Variants in SLAMF8 observed in about 807,000 individuals in gnomAD.
The protein encoded by SLAMF8 is B lymphocyte activator macrophage expressed.
In SLAMF8, 23 loss-of-function variants were observed where a neutral mutation model predicts 29.0. The observed-to-expected ratio is 0.79, with a 90% confidence interval of 0.57 to 1.13. The LOEUF is 1.13. Ranked by LOEUF, SLAMF8 falls within the 50% of genes most tolerant of loss-of-function variation. SLAMF8 has a pLI of 0.00. For synonymous variants in SLAMF8, 139 were observed against 145.6 expected, an observed-to-expected ratio of 0.96 and a Z score of 0.32; for missense variants, 381 against 353.1, an observed-to-expected ratio of 1.08 and a Z score of -0.63.
At chr1:159,832,040 T>C (rs1382646461) in intron 2 of SLAMF8, among the ~76,000 whole-genome samples, 3 of 152,094 alleles carry the variant, frequency 2.0e-5, no homozygotes, top group Admixed American at 6.5e-5. Context: ...ACCAGAATGC[T>C]CTCCCACTGG....
In SLAMF8 at chr1:159,830,043, A is replaced by G. The variant is rs1005377766; in HGVS notation, c.218A>G (p.His73Arg). Residue 73 changes from histidine to arginine, a missense_variant, in exon 2 of 5, where the codon CAT becomes CGT. Transcript: ENST00000289707. ...CGAGGCTCCCTGGAGACTCTGTACC[A>G]TTCCCGCTTCCTGGGCCGAGCCCAG... ...FFRGSLETLY[H>R]SRFLGRAQLH... is the part of the protein sequence containing the mutation. 52 of 1,614,062 alleles carry G rather than the reference A, an allele frequency of 3.2e-5. No homozygotes were observed. Among genetic ancestry groups the G allele is most frequent in the Non-Finnish European group, 4.4e-5 (52 of 1,180,044 alleles).
rs994846560 is a variant in SLAMF8 at position 159,836,464 on chromosome 1, G to A, written c.*1204G>A. On this transcript the variant is annotated 3_prime_UTR_variant, in exon 5 of 5. Coordinates refer to ENST00000289707, the MANE Select transcript of SLAMF8 (RefSeq NM_020125.3). ...CACTTAAGGAGCTAAACTTACCTTC[G>A]GGGATTATTAGCTGATAAGGTTCAC... 34 of 985,276 alleles carry A rather than the reference G, an allele frequency of 3.5e-5. No individual in the cohort carries two copies. In the African/African-American group the frequency reaches 4.2e-4, roughly 12 times the overall value. The allele number at this position is 985,276 out of a possible 1,614,324, so 61.0% of individuals were successfully genotyped here.
Position 159,837,063 on chromosome 1 carries a change from C to T in SLAMF8, c.*1803C>T, listed in dbSNP as rs2101807803. The stretch of plus-strand genomic sequence containing the variant: ...GGGAAAAAATACACAGCACTCCCCA[C>T]CTTTCTTTCGTTCATCTCCAGGGCC... On this transcript the variant is annotated 3_prime_UTR_variant, in exon 5 of 5. Coordinates refer to ENST00000289707, the MANE Select transcript of SLAMF8 (RefSeq NM_020125.3). The T allele has an allele frequency of 2.0e-6, 2 of 985,424 alleles. No homozygotes were observed. The highest frequency in any genetic ancestry group is 2.4e-6 in the Non-Finnish European group (2 of 829,928). 61.0% of individuals were successfully genotyped at this position (985,424 alleles called of 1,614,324 possible). A position where few individuals can be genotyped will look rare whatever the true frequency, so the allele number is the denominator to read the frequency against.
chr1:159,829,098 T>G (rs1647277453), intron 1 of SLAMF8, among the ~76,000 whole-genome samples: 1 of 152,176 alleles, frequency 6.6e-6, no homozygotes, highest in Non-Finnish European at 1.5e-5. Context: ...CTCCCACTTC[T>G]TCCCATCCCG....
In SLAMF8 at chr1:159,833,034, C is replaced by A. The variant is rs1411441777; in HGVS notation, c.526C>A (p.Pro176Thr). The change falls in exon 3 of 5, where the codon CCA becomes ACA. Residue 176 changes from proline (P) to threonine (T), a missense_variant. By Grantham distance (38) the Pro-to-Thr change is conservative (BLOSUM62 -1). Transcript: ENST00000289707. ...RETTMDFGMEPHSLFTDGQVL... is the reference protein window; with the variant it reads ...RETTMDFGMETHSLFTDGQVL... Reference sequence around the variant, plus strand: ...GACAACCATGGACTTTGGTATGGAACCACACAGCCTCTTCACAGACGGACA... The same window carrying A: ...GACAACCATGGACTTTGGTATGGAAACACACAGCCTCTTCACAGACGGACA... 6.2e-7 allele frequency: 1 copy of A among 1,614,102 alleles called. No individual in the cohort carries two copies. The highest frequency in any genetic ancestry group is 2.2e-5 in the East Asian group (1 of 44,896).
intron 1 of SLAMF8, 93 bp from the exon 2 acceptor site, chr1:159,829,773 G>A (rs1647331246): frequency 7.1e-7 from 1 of 1,405,952 alleles, no homozygotes; most frequent in Non-Finnish European, 9.7e-7. Flanking sequence ...GTCAGTGGAG[G>A]GGCCCCAATT....
In SLAMF8 at chr1:159,836,506, G is replaced by C. The variant is rs898758215; in HGVS notation, c.*1246G>C. 8.1e-6 allele frequency: 8 copies of C among 985,454 alleles called. No individual in the cohort carries two copies. The highest frequency in any genetic ancestry group is 8.4e-6 in the Non-Finnish European group (7 of 829,948). 61.0% of individuals were successfully genotyped at this position (985,454 alleles called of 1,614,324 possible). On this transcript the variant is annotated 3_prime_UTR_variant, in exon 5 of 5. Transcript: ENST00000289707. The stretch of plus-strand genomic sequence containing the variant: ...AAGGTTCACAGTTTCTCTCACCCAG[G>C]TGTAACTGGATTTTTTCTGGGGCCT...
chr1:159,830,707 G>A (rs1647429776), intron 2 of SLAMF8, among the ~76,000 whole-genome samples: 1 of 152,146 alleles, frequency 6.6e-6, no homozygotes, highest in Admixed American at 6.5e-5. Context: ...ACTAAACTAT[G>A]ACATAATGGG....
intron 4 of SLAMF8, 58 bp downstream of exon 4, chr1:159,833,427 G>A (rs1447641100): frequency 2.3e-5 from 37 of 1,610,964 alleles, no homozygotes; most frequent in Admixed American, 3.3e-5. Flanking sequence ...TGGGGAGGAG[G>A]GGGTCTTGGA....
Position 159,833,385 on chromosome 1 carries a change from G to A in SLAMF8, c.781+16G>A, listed in dbSNP as rs758754316. 9.3e-6 allele frequency: 15 copies of A among 1,613,902 alleles called. No homozygotes were observed. The highest frequency in any genetic ancestry group is 7.7e-5 in the South Asian group (7 of 91,086). On this transcript the variant is annotated intron_variant, in intron 4 of 4. Transcript: ENST00000289707. ...CCCTGCTCAGGTAGGAGTCCTGCAG[G>A]TGCAGGAGGTAGGTGGAGGAAGTGG...
At chr1:159,832,549 G>T (rs749087494) in intron 2 of SLAMF8, among the ~76,000 whole-genome samples, 1 of 152,250 alleles carries the variant, frequency 6.6e-6, no homozygotes, top group Non-Finnish European at 1.5e-5. Context: ...AAAGGCATCT[G>T]TGTGCGCAGA....
At chr1:159,833,459 G>T (rs111239024) in intron 4 of SLAMF8, 90 bp downstream of exon 4, 61 of 1,586,064 alleles carry the variant, frequency 3.8e-5, no homozygotes, top group Admixed American at 5.1e-5. Flanking sequence ...TTAGGCTTCA[G>T]ATGGTCTGCC....
chr1:159,835,151 G>A (rs781307909), intron 4 of SLAMF8, 33 bp from the exon 5 acceptor site: 1 of 1,604,746 alleles, frequency 6.2e-7, no homozygotes, highest in Non-Finnish European at 8.5e-7. Flanking sequence ...CCAAACACTG[G>A]AGGGGTAACT....
At chr1:159,828,022 C>G (rs1663733805) in intron 1 of SLAMF8, among the ~76,000 whole-genome samples, 1 of 152,094 alleles carries the variant, frequency 6.6e-6, no homozygotes, top group African/African-American at 2.4e-5. Flanking sequence ...TTAGTAGAGA[C>G]AGGGTTTCAT....
chr1:159,834,254 C>T (rs1443520389), intron 4 of SLAMF8, among the ~76,000 whole-genome samples: 1 of 152,184 alleles, frequency 6.6e-6, no homozygotes, highest in Admixed American at 6.5e-5. Flanking sequence ...GTGGGTGTGT[C>T]CCAGAAGGCA....
At chr1:159,826,999 A>G in intron 1 of SLAMF8, 61 bp downstream of exon 1, 1 of 1,602,036 alleles carries the variant, frequency 6.2e-7, no homozygotes, top group Non-Finnish European at 8.5e-7. Flanking sequence ...CCAGCTGCCT[A>G]TGCCAGACGT....
chr1:159,829,993 A>C lies in SLAMF8; in HGVS notation c.168A>C (p.Ser56=). 1.2e-6 allele frequency: 2 copies of C among 1,614,244 alleles called. No homozygotes were observed. Among genetic ancestry groups the C allele is most frequent in the Non-Finnish European group, 1.7e-6 (2 of 1,180,048 alleles). The change falls in exon 2 of 5, where the codon TCA becomes TCC. Residue 56 remains serine, a synonymous_variant. Transcript: ENST00000289707. ...REAIWRSLWP[S]EELLATFFRG... ...CTATCTGGCGATCTCTCTGGCCTTCAGAAGAGCTCCTGGCCACGTTTTTCC... is the reference window on the plus strand; with the variant it reads ...CTATCTGGCGATCTCTCTGGCCTTCCGAAGAGCTCCTGGCCACGTTTTTCC...
At position 159,837,191 on chromosome 1, in the gene SLAMF8, G is replaced by A. The variant is rs908807082; in HGVS notation, c.*1931G>A. The A allele has an allele frequency of 6.4e-5, 63 of 984,786 alleles. No individual in the cohort carries two copies. Among genetic ancestry groups the A allele is most frequent in the Middle Eastern group, 5.2e-4 (1 of 1,936 alleles). The allele number at this position is 984,786 out of a possible 1,614,324, so 61.0% of individuals were successfully genotyped here. ...TTTCGACAGTGGTTTGTAGCGTGGTGCACCAGGGCCTTGTTGAACAGATCC... is the reference window on the plus strand; with the variant it reads ...TTTCGACAGTGGTTTGTAGCGTGGTACACCAGGGCCTTGTTGAACAGATCC... On this transcript the variant is annotated 3_prime_UTR_variant, in exon 5 of 5. Transcript: ENST00000289707.
At chr1:159,830,374 G>A (rs1308989538) in intron 2 of SLAMF8, among the ~76,000 whole-genome samples, 182 bp downstream of exon 2, 3 of 152,212 alleles carry the variant, frequency 2.0e-5, no homozygotes, top group Non-Finnish European at 2.9e-5. Flanking sequence ...CCTGGCTGCA[G>A]CAGCCAGGCT....
Sources: allele counts gnomAD v4.1 joint callset (sites outside exome capture counted in the v4.1 genomes callset), GRCh38; gene constraint gnomAD v4.1.1; transcripts MANE v1.5; gene names NCBI Gene and HGNC (gene_info 2026-07-23, HGNC 2026-07-21).